SPEG: variants seen among roughly 807,000 people sequenced by gnomAD.
The protein encoded by SPEG is striated muscle preferentially expressed protein kinase.
A neutral mutation model predicts 300.4 loss-of-function variants in SPEG; 114 were observed. That is an observed-to-expected ratio of 0.38 (90% CI 0.33 to 0.44). The LOEUF (loss-of-function observed/expected upper bound fraction) is 0.44, where lower values mean the gene tolerates loss of function less well. Among genes scored for constraint, SPEG ranks in the 20% least tolerant of loss-of-function variants. The pLI, the probability that SPEG is intolerant of heterozygous loss-of-function variation, is 1.00. For missense variants in SPEG, 4,201 were observed against 4,586.2 expected, an observed-to-expected ratio of 0.92 and a Z score of 2.43; for synonymous variants, 1,964 against 2,018.9, an observed-to-expected ratio of 0.97 and a Z score of 0.73.
At chr2:219,466,333 G>C in intron 9 of SPEG, 1 of 1,408,172 alleles carries the variant, frequency 7.1e-7, no homozygotes, top group Non-Finnish European at 9.2e-7. Context: ...GGGCGGCTGC[G>C]AGGGGTATCA....
intron 29 of SPEG, 57 bp from the exon 30 acceptor site, chr2:219,483,041 G>C (rs1330047907): frequency 7.1e-6 from 11 of 1,543,808 alleles, no homozygotes; most frequent in East Asian, 2.4e-5. Context: ...GTGGGCCTGG[G>C]GGGGACAATC....
At position 219,443,379 on chromosome 2, in the gene SPEG, G is replaced by T; in HGVS notation, c.389-1274G>T. 1.7e-6 allele frequency: 1 copy of T among 585,690 alleles called. No individual in the cohort carries two copies. The highest frequency in any genetic ancestry group is 3.1e-6 in the Non-Finnish European group (1 of 324,188). The allele number at this position is 585,690 out of a possible 1,614,324, so 36.3% of individuals were successfully genotyped here. ...CACTAGCACACCCCTGCATGGACTG[G>T]GTGCCCTGTTCTCCATGTGAGGCCT... On this transcript the variant is annotated intron_variant, in intron 1 of 40. Transcript: ENST00000312358. This position sits in a 1 kb window ranked among gnomAD's most constrained non-coding sequence, Gnocchi z 4.6.
chr2:219,470,584 A>G (rs1248510496), intron 13 of SPEG, among the ~76,000 whole-genome samples: 1 of 152,196 alleles, frequency 6.6e-6, no homozygotes, highest in Non-Finnish European at 1.5e-5. Flanking sequence ...AGATAAATGA[A>G]TGGGTGACTG....
chr2:219,466,876 GT>G, intron 9 of SPEG: 2 of 999,490 alleles, frequency 2.0e-6, no homozygotes, highest in Non-Finnish European at 1.3e-6. Context: ...GGTGTGTTGT[GT>G]TTTTTTTTCC....
intron 18 of SPEG, among the ~76,000 whole-genome samples, chr2:219,474,868 C>T (rs1692204838): frequency 6.6e-6 from 1 of 151,544 alleles, no homozygotes; most frequent in African/African-American, 2.4e-5. Flanking sequence ...CTGCAACCTC[C>T]ACCTCCCAGG....
intron 38 of SPEG, among the ~76,000 whole-genome samples, chr2:219,491,365 C>T (rs902578466): frequency 1.3e-5 from 2 of 152,162 alleles, no homozygotes; most frequent in Non-Finnish European, 2.9e-5. Context: ...ACGGATGAGG[C>T]TGTGGAGAGC....
chr2:219,479,533 C>T lies in SPEG; in HGVS notation c.5086-250C>T, dbSNP rs115399593. On this transcript the variant is annotated intron_variant, in intron 23 of 40. Transcript: ENST00000312358. This position sits in a 1 kb window ranked among gnomAD's most constrained non-coding sequence, Gnocchi z 5.5. ...TATTGATCTCACTGCAGTCCTGCCA[C>T]GTCAGGCTGTACATGTTGTGCACTG... 2.4e-3 allele frequency among the ~76,000 whole-genome samples: 365 copies of T among 152,346 alleles called. 1 individual carries two copies. The highest frequency in any genetic ancestry group is 8.1e-3 in the African/African-American group (336 of 41,572).
intron 4 of SPEG, among the ~76,000 whole-genome samples, chr2:219,449,834 C>T (rs1019715575): frequency 6.6e-6 from 1 of 152,148 alleles, no homozygotes; most frequent in African/African-American, 2.4e-5. Flanking sequence ...CAGGCTTACA[C>T]CCCGCATGGC....
intron 7 of SPEG, 96 bp from the exon 8 acceptor site, chr2:219,462,202 C>T: frequency 8.0e-7 from 1 of 1,243,498 alleles, no homozygotes; most frequent in Non-Finnish European, 1.1e-6. Flanking sequence ...CAGTCTCAGC[C>T]TGGCTGTGGA....
intron 33 of SPEG, 47 bp downstream of exon 33, chr2:219,488,712 G>A (rs1693677950): frequency 6.2e-7 from 1 of 1,607,204 alleles, no homozygotes; most frequent in Admixed American, 1.7e-5. Context: ...GGGATGGTGG[G>A]ACAGGGCTTG....
chr2:219,473,794 G>A lies in SPEG; in HGVS notation c.4338G>A (p.Gln1446=). 6.2e-7 allele frequency: 1 copy of A among 1,614,034 alleles called. No individual in the cohort carries two copies. ...AGCTGAGCCAGCCAGATGATGACCA[G>A]TACTGTCTTCGGATCTGCCGGGTGA... ...VYELSQPDDD[Q]YCLRICRVSR... Residue 1446 remains glutamine (Q), a synonymous_variant, in exon 18 of 41, where the codon CAG becomes CAA. Transcript: ENST00000312358. The surrounding 1 kb of genome is among the most constrained non-coding windows in gnomAD (Gnocchi z 4.6).
At chr2:219,476,843 T>C (rs1692389535) in intron 18 of SPEG, 27 bp from the exon 19 acceptor site, 1 of 1,587,128 alleles carries the variant, frequency 6.3e-7, no homozygotes, top group African/African-American at 1.3e-5. Context: ...CCCCTTCTCT[T>C]CCCACCCCTA....
At chr2:219,438,665 G>C (rs1954780639) in intron 1 of SPEG, among the ~76,000 whole-genome samples, 1 of 152,236 alleles carries the variant, frequency 6.6e-6, no homozygotes, top group African/African-American at 2.4e-5. Context: ...AAGGGCAGAG[G>C]GGAAGCAGGA....
intron 8 of SPEG, 23 bp downstream of exon 8, chr2:219,462,409 AC>A (rs1690802601): frequency 6.6e-7 from 1 of 1,517,186 alleles, no homozygotes; most frequent in Non-Finnish European, 9.0e-7. Flanking sequence ...ACTTTCCACC[AC>A]CCACCAGCGA....
intron 15 of SPEG, 42 bp downstream of exon 15, chr2:219,472,373 TGG>T (rs2125488341): frequency 6.4e-7 from 1 of 1,558,472 alleles, no homozygotes; most frequent in East Asian, 2.3e-5. Flanking sequence ...GGAAGGGGTG[TGG>T]AGAAGGCAGG....
intron 6 of SPEG, among the ~76,000 whole-genome samples, chr2:219,460,121 T>G (rs1014367317): frequency 6.6e-6 from 1 of 152,216 alleles, no homozygotes; most frequent in Non-Finnish European, 1.5e-5. Context: ...GCGGGCAAGT[T>G]GCCAACAGGT....
rs1296489305 is a variant in SPEG, at chr2:219,473,491, C to G, written c.4148-13C>G. ...TCAAGCCCAGCACAGAGCCTGCGCT[C>G]TCCTCCTCCCAGGCCCAACCCTGGA... is the stretch of plus-strand genomic sequence containing the variant. On this transcript the variant is annotated splice_polypyrimidine_tract_variant and intron_variant, in intron 16 of 40. Coordinates refer to ENST00000312358, the MANE Select transcript of SPEG (RefSeq NM_005876.5). The surrounding 1 kb of genome is among the most constrained non-coding windows in gnomAD (Gnocchi z 4.6). 6 of 1,613,328 alleles carry G rather than the reference C, an allele frequency of 3.7e-6. No individual in the cohort carries two copies. The African/African-American group carries it at 8.0e-5, about 22-fold the overall frequency.
Position 219,464,635 on chromosome 2 carries a change from C to A in SPEG, c.2881+27C>A, listed in dbSNP as rs1375156301. The A allele has an allele frequency of 6.2e-7, 1 of 1,604,442 alleles. No individual in the cohort carries two copies. Among genetic ancestry groups the A allele is most frequent in the East Asian group, 2.2e-5 (1 of 44,702 alleles). ...TGAGTACCTGATTTCTCCATGAATG[C>A]CCACCTGGCCCTGGCCCCTTCCTTC... On this transcript the variant is annotated intron_variant, in intron 9 of 40. Coordinates refer to ENST00000312358, the MANE Select transcript of SPEG (RefSeq NM_005876.5). This position sits in a 1 kb window ranked among gnomAD's most constrained non-coding sequence, Gnocchi z 4.5.
chr2:219,480,790 C>T lies in SPEG; in HGVS notation c.5369+93C>T. The T allele has an allele frequency of 2.5e-6, 3 of 1,197,434 alleles. No individual in the cohort carries two copies. The East Asian group carries it at 7.0e-5, about 28-fold the overall frequency. 74.2% of individuals were successfully genotyped at this position (1,197,434 alleles called of 1,614,324 possible). A position where few individuals can be genotyped will look rare whatever the true frequency, so the allele number is the denominator to read the frequency against. On this transcript the variant is annotated intron_variant, in intron 26 of 40. Transcript: ENST00000312358. The surrounding 1 kb of genome is among the most constrained non-coding windows in gnomAD (Gnocchi z 5.3). Reference sequence around the variant, plus strand: ...AGCCCACCCCCTTCTCTTCCGCACCCCCCACTCCTTCTTGCACTGCAAGGA... The same window carrying T: ...AGCCCACCCCCTTCTCTTCCGCACCTCCCACTCCTTCTTGCACTGCAAGGA...
Sources: gnomAD v4.1 joint callset for allele counts (sites outside exome capture counted in the v4.1 genomes callset) on GRCh38, gnomAD v4.1.1 for gene constraint, Gnocchi (gnomAD v3.1) non-coding constraint, MANE v1.5 for transcripts, NCBI Gene and HGNC (gene_info 2026-07-23, HGNC 2026-07-21) for gene names.